The following TBC1D8 variants were observed in gnomAD, a reference collection of about 807,000 sequenced individuals.
TBC1D8 encodes the protein BUB2-like protein 1.
TBC1D8 carries 65 observed loss-of-function variants against 118.8 expected under a neutral mutation model. The observed-to-expected ratio is 0.55, with a 90% CI of 0.45 to 0.67. The LOEUF (loss-of-function observed/expected upper bound fraction) is 0.67, where lower values mean the gene tolerates loss of function less well. Among genes scored for constraint, TBC1D8 ranks in the 30% least tolerant of loss-of-function variants. The pLI is 0.00. For missense variants in TBC1D8, 1,376 were observed against 1,471.2 expected (o/e 0.94, Z 1.06); for synonymous variants, 566 against 595.8 (o/e 0.95, Z 0.73).
intron 1 of TBC1D8, among the ~76,000 whole-genome samples, chr2:101,096,023 G>A (rs1228346314): frequency 6.6e-6 from 1 of 152,184 alleles, no homozygotes; most frequent in Non-Finnish European, 1.5e-5. Context: ...ACGACAGCTG[G>A]AAGTATGGCA....
At chr2:101,010,762 A>G (rs1034446273) in intron 19 of TBC1D8, among the ~76,000 whole-genome samples, 167 bp downstream of exon 19, 3 of 152,068 alleles carry the variant, frequency 2.0e-5, no homozygotes, top group African/African-American at 7.2e-5. Flanking sequence ...CACGCCTGTA[A>G]TCCCAGCTAC....
Position 101,027,368 on chromosome 2 carries a change from C to G in TBC1D8, c.2520+15G>C. 6.2e-7 allele frequency: 1 copy of G among 1,612,310 alleles called. No homozygotes were observed. The highest frequency in any genetic ancestry group is 8.5e-7 in the Non-Finnish European group (1 of 1,178,640). On this transcript the variant is annotated intron_variant, in intron 15 of 19. Transcript: ENST00000409318. ...CTCAGGGCCTGGAACCCCTCATCTT[C>G]CCAGAGCTGCGTACCTTGAATAAGT...
chr2:101,140,642 G>A (rs1224948355), intron 1 of TBC1D8, among the ~76,000 whole-genome samples: 1 of 152,038 alleles, frequency 6.6e-6, no homozygotes, highest in Non-Finnish European at 1.5e-5. Context: ...AACACAAACA[G>A]TCCCCTTATT....
intron 4 of TBC1D8, among the ~76,000 whole-genome samples, chr2:101,051,384 C>T (rs763977577): frequency 1.3e-5 from 2 of 152,148 alleles, no homozygotes; most frequent in Non-Finnish European, 2.9e-5. Context: ...CCATTCTGGA[C>T]ATGGGAACAG....
intron 9 of TBC1D8, among the ~76,000 whole-genome samples, 197 bp downstream of exon 9, chr2:101,035,821 C>T (rs1680970215): frequency 6.6e-6 from 1 of 152,182 alleles, no homozygotes; most frequent in Admixed American, 6.5e-5. Flanking sequence ...CGCCACAGCC[C>T]AGAGGCCCAG....
At position 101,010,879 on chromosome 2, in the gene TBC1D8, CT is replaced by C. The variant is rs1354796197; in HGVS notation, c.3015+49del. 3 of 1,358,636 alleles carry C rather than the reference CT, an allele frequency of 2.2e-6. No homozygotes were observed. The African/African-American group carries it at 4.6e-5, about 21-fold the overall frequency. The allele number at this position is 1,358,636 out of a possible 1,614,324, so 84.2% of individuals were successfully genotyped here. ...CCTGGGCGACAGAGCGAGACTCCAT[CT>C]CAAAAAAAAAAAAAAAAGTTAATTC... On this transcript the variant is annotated intron_variant, in intron 19 of 19. Transcript: ENST00000409318.
At chr2:101,038,948 C>T (rs1304778751) in intron 6 of TBC1D8, among the ~76,000 whole-genome samples, 1 of 152,154 alleles carries the variant, frequency 6.6e-6, no homozygotes. Flanking sequence ...GCCCCGAGGG[C>T]ATTATGCTAA....
intron 3 of TBC1D8, among the ~76,000 whole-genome samples, chr2:101,058,161 C>T (rs1046254518): frequency 4.6e-5 from 7 of 152,154 alleles, no homozygotes; most frequent in African/African-American, 7.2e-5. Flanking sequence ...AGGGCTGACC[C>T]GAGCCCACCA....
In TBC1D8 at chr2:101,041,790, C is replaced by T. The variant is rs376672928; in HGVS notation, c.873-1405G>A. The stretch of plus-strand genomic sequence containing the variant: ...CTGTAATCTCAGCACTTTGGGAGGC[C>T]GTGCAGGTGGATCACTTGAGCTCAG... On this transcript the variant is annotated intron_variant, in intron 5 of 19. Transcript: ENST00000409318. Among the ~76,000 whole-genome samples, 53 of 152,046 alleles carry T rather than the reference C, an allele frequency of 3.5e-4. 1 individual carries two copies. The highest frequency in any genetic ancestry group is 1.2e-3 in the Admixed American group (19 of 15,266).
chr2:101,058,292 A>T (rs1030518321), intron 3 of TBC1D8, among the ~76,000 whole-genome samples: 5 of 152,164 alleles, frequency 3.3e-5, no homozygotes, highest in African/African-American at 1.2e-4. Context: ...CCAGTCCCCA[A>T]AGGAAAAAAT....
intron 5 of TBC1D8, among the ~76,000 whole-genome samples, chr2:101,041,558 T>A (rs1482947815): frequency 6.6e-6 from 1 of 152,136 alleles, no homozygotes; most frequent in East Asian, 1.9e-4. Flanking sequence ...GGGAAGTGAC[T>A]GCTCATGGGT....
Position 101,019,077 on chromosome 2 carries a change from G to A in TBC1D8, c.2827+2604C>T, listed in dbSNP as rs763167108. On this transcript the variant is annotated intron_variant, in intron 17 of 19. Transcript: ENST00000409318. ...GGAAGTGGATGAGGCCTTGGGTCTC[G>A]GCTCTTCATTGCTTCCTGAGCTGCA... 18 of 1,591,340 alleles carry A rather than the reference G, an allele frequency of 1.1e-5. No homozygotes were observed. In the Admixed American group the frequency reaches 2.5e-4, roughly 22 times the overall value.
At chr2:101,021,042 T>C (rs946635552) in intron 17 of TBC1D8, among the ~76,000 whole-genome samples, 1 of 152,174 alleles carries the variant, frequency 6.6e-6, no homozygotes, top group Non-Finnish European at 1.5e-5. Flanking sequence ...CAGGATATCA[T>C]GGCTCTAGAA....
At chr2:101,008,395 A>G in intron 19 of TBC1D8, 122 bp from the exon 20 acceptor site, 3 of 789,492 alleles carry the variant, frequency 3.8e-6, no homozygotes, top group Non-Finnish European at 5.7e-6. Context: ...AGAATATAAG[A>G]AAAGGTAGTC....
intron 1 of TBC1D8, among the ~76,000 whole-genome samples, chr2:101,104,876 T>C (rs1325442437): frequency 6.6e-6 from 1 of 152,042 alleles, no homozygotes; most frequent in Non-Finnish European, 1.5e-5. Context: ...TAGCCGGGCA[T>C]GGTGGCATGC....
intron 17 of TBC1D8, 107 bp downstream of exon 17, chr2:101,021,574 T>A: frequency 1.3e-6 from 1 of 786,540 alleles, no homozygotes; most frequent in Non-Finnish European, 2.0e-6. Flanking sequence ...ACCTGTTGCC[T>A]CAAGCATAAG....
In TBC1D8 at chr2:101,100,963, T is replaced by C. The variant is rs149047639; in HGVS notation, c.128-10599A>G. 9.2e-4 allele frequency among the ~76,000 whole-genome samples: 140 copies of C among 152,102 alleles called. 1 individual carries two copies. Among genetic ancestry groups the C allele is most frequent in the African/African-American group, 3.3e-3 (137 of 41,488 alleles). Reference sequence around the variant, plus strand: ...AAACCCTACAAGAAAACCTAGGCAATACCATCCAGGACATAGACATGAGCA... The same window carrying C: ...AAACCCTACAAGAAAACCTAGGCAACACCATCCAGGACATAGACATGAGCA... On this transcript the variant is annotated intron_variant, in intron 1 of 19. Transcript: ENST00000409318.
chr2:101,029,527 C>G lies in TBC1D8; in HGVS notation c.2186G>C (p.Ser729Thr). The change falls in exon 12 of 20, where the codon AGC becomes ACC. Residue 729 changes from serine to threonine, a missense_variant. Coordinates refer to ENST00000409318, the MANE Select transcript of TBC1D8 (RefSeq NM_001330348.2). ...CATCAAGGCCTGGCCATCATCCTTGCTGCTGCACAGGTCCTCAGCATTGGC... is the reference window on the plus strand; with the variant it reads ...CATCAAGGCCTGGCCATCATCCTTGGTGCTGCACAGGTCCTCAGCATTGGC... The part of the protein sequence containing the change: ...LEANAEDLCS[S>T]KDDGQALMIL... The G allele has an allele frequency of 6.2e-7, 1 of 1,613,936 alleles. No homozygotes were observed. The highest frequency in any genetic ancestry group is 1.7e-4 in the Middle Eastern group (1 of 6,050).
chr2:101,102,948 C>G (rs1676953097), intron 1 of TBC1D8, among the ~76,000 whole-genome samples: 1 of 151,930 alleles, frequency 6.6e-6, no homozygotes, highest in South Asian at 2.1e-4. Context: ...GAAATGATAA[C>G]AAGTTTCCAC....
Sources: gnomAD v4.1 joint callset for allele counts (sites outside exome capture counted in the v4.1 genomes callset) on GRCh38, gnomAD v4.1.1 for gene constraint, MANE v1.5 for transcripts, NCBI Gene and HGNC (gene_info 2026-07-23, HGNC 2026-07-21) for gene names.